TMBIM4: variants seen among roughly 807,000 people sequenced by gnomAD.
TMBIM4 encodes transmembrane BAX inhibitor motif containing 4.
In TMBIM4, 28 loss-of-function variants were observed where a neutral mutation model predicts 27.7. The ratio of observed to expected loss-of-function variants is 1.01; its 90% CI spans 0.75 to 1.38. The LOEUF (loss-of-function observed/expected upper bound fraction) is 1.38, where lower values mean the gene tolerates loss of function less well. Ranked by LOEUF, TMBIM4 falls within the 40% of genes most tolerant of loss-of-function variation. TMBIM4 has a pLI of 0.00. For synonymous variants in TMBIM4, 115 were observed against 113.1 expected, an observed-to-expected ratio of 1.02 and a Z score of -0.11; for missense variants, 265 against 277.5, an observed-to-expected ratio of 0.95 and a Z score of 0.32.
chr12:66,138,926 C>T lies in TMBIM4; in HGVS notation c.465-157G>A. The T allele has an allele frequency of 3.7e-6, 4 of 1,069,152 alleles. No homozygotes were observed. The Admixed American group carries it at 1.7e-4, about 45-fold the overall frequency. 66.2% of individuals were successfully genotyped at this position (1,069,152 alleles called of 1,614,324 possible). A position where few individuals can be genotyped will look rare whatever the true frequency, so the allele number is the denominator to read the frequency against. ...GTAAACATACAATGAATATAATGCC[C>T]ATCTTGGATCTTTTTTTTAAAGAAA... On this transcript the variant is annotated intron_variant, in intron 5 of 6. Coordinates refer to ENST00000358230, the MANE Select transcript of TMBIM4 (RefSeq NM_016056.4).
chr12:66,156,711 C>A (rs11176063), intron 1 of TMBIM4, among the ~76,000 whole-genome samples: 47,929 of 152,098 alleles, frequency 0.32, 7,841 homozygotes, highest in South Asian at 0.41. Context: ...AATCTCATCT[C>A]AGCACTCTCT....
intron 3 of TMBIM4, among the ~76,000 whole-genome samples, chr12:66,148,889 T>G (rs570866485): frequency 6.6e-6 from 1 of 152,178 alleles, no homozygotes; most frequent in East Asian, 1.9e-4. Flanking sequence ...TTGTCTTATA[T>G]CCTTACTCTA....
At chr12:66,164,764 T>G (rs1339274010) in intron 1 of TMBIM4, among the ~76,000 whole-genome samples, 2 of 152,078 alleles carry the variant, frequency 1.3e-5, no homozygotes, top group African/African-American at 2.4e-5. Flanking sequence ...GAAAAAGAAA[T>G]AAAAGGCATC....
intron 1 of TMBIM4, among the ~76,000 whole-genome samples, chr12:66,159,327 G>C (rs891853022): frequency 5.3e-5 from 8 of 152,200 alleles, no homozygotes; most frequent in African/African-American, 1.9e-4. Flanking sequence ...CACTGAAGCA[G>C]CCCTATGGAG....
intron 1 of TMBIM4, among the ~76,000 whole-genome samples, chr12:66,162,622 T>C (rs978550551): frequency 2.0e-5 from 3 of 152,214 alleles, no homozygotes; most frequent in African/African-American, 7.2e-5. Context: ...TGTTTGCCAG[T>C]TCCCAAACGC....
intron 2 of TMBIM4, 36 bp downstream of exon 2, chr12:66,153,304 G>T: frequency 8.2e-7 from 1 of 1,220,588 alleles, no homozygotes; most frequent in Non-Finnish European, 1.2e-6. Context: ...CATATGCAAT[G>T]TCTGAAAATT....
intron 5 of TMBIM4, chr12:66,139,684 A>T (rs2051635320): frequency 2.2e-6 from 1 of 456,044 alleles, no homozygotes; most frequent in Non-Finnish European, 4.4e-6. Flanking sequence ...CTATCCACCA[A>T]AAGTGAGCAC....
At chr12:66,139,674 C>T in intron 5 of TMBIM4, 1 of 456,064 alleles carries the variant, frequency 2.2e-6, no homozygotes, top group East Asian at 6.9e-5. Flanking sequence ...AAGAAGAGAA[C>T]TATCCACCAA....
At chr12:66,163,231 TC>T (rs2052071420) in intron 1 of TMBIM4, among the ~76,000 whole-genome samples, 1 of 152,170 alleles carries the variant, frequency 6.6e-6, no homozygotes, top group Non-Finnish European at 1.5e-5. Flanking sequence ...GGACTCTTTC[TC>T]CTTGGGGTAT....
At chr12:66,155,335 TGA>T (rs71697123) in intron 1 of TMBIM4, among the ~76,000 whole-genome samples, 7,684 of 131,064 alleles carry the variant, frequency 0.059, 506 homozygotes, top group African/African-American at 0.16. Context: ...TGCACACGTG[TGA>T]GAGAGAGAGA....
intron 1 of TMBIM4, among the ~76,000 whole-genome samples, chr12:66,160,619 G>GT (rs1480212609): frequency 2.0e-5 from 3 of 151,988 alleles, no homozygotes; most frequent in South Asian, 4.1e-4. Context: ...AAGTGCTCAA[G>GT]TAAGAGACTA....
intron 1 of TMBIM4, among the ~76,000 whole-genome samples, chr12:66,159,485 TGGA>T (rs1306932708): frequency 6.6e-6 from 1 of 152,160 alleles, no homozygotes; most frequent in Non-Finnish European, 1.5e-5. Context: ...GCATCTTGAC[TGGA>T]GCCTCATGAG....
chr12:66,156,310 G>GTTC (rs1197528629), intron 1 of TMBIM4, among the ~76,000 whole-genome samples: 4 of 152,126 alleles, frequency 2.6e-5, no homozygotes, highest in Non-Finnish European at 5.9e-5. Flanking sequence ...TTCTCCCAGT[G>GTTC]TTCTCATCGA....
At chr12:66,157,274 G>A (rs896940192) in intron 1 of TMBIM4, among the ~76,000 whole-genome samples, 3 of 152,058 alleles carry the variant, frequency 2.0e-5, no homozygotes, top group Non-Finnish European at 1.5e-5. Context: ...ACACATGTGG[G>A]AGGAAAGTGA....
Position 66,145,058 on chromosome 12 carries a change from A to G in TMBIM4, c.464+783T>C, listed in dbSNP as rs142394477. Among the ~76,000 whole-genome samples the G allele has an allele frequency of 1.2e-3, 187 of 152,284 alleles. No homozygotes were observed. In the Middle Eastern group the frequency reaches 0.02, roughly 17 times the overall value. On this transcript the variant is annotated intron_variant, in intron 5 of 6. Coordinates refer to ENST00000358230, the MANE Select transcript of TMBIM4 (RefSeq NM_016056.4). The stretch of plus-strand genomic sequence containing the variant: ...ACATCCTTCCAAAGAAGGAAAAGAA[A>G]ATAGAAAATGTTACCTCTCCCTAAA...
chr12:66,138,220 G>A (rs2136840894), intron 6 of TMBIM4, 54 bp from the exon 7 acceptor site: 1 of 1,555,584 alleles, frequency 6.4e-7, no homozygotes, highest in South Asian at 1.2e-5. Flanking sequence ...GTATTAACAG[G>A]ACTTAACTTA....
intron 2 of TMBIM4, 122 bp from the exon 3 acceptor site, chr12:66,152,498 T>G (rs766402072): frequency 3.5e-4 from 196 of 557,498 alleles, no homozygotes; most frequent in Non-Finnish European, 4.7e-4. Context: ...AAATCTGGAA[T>G]GATCCACACC....
At chr12:66,157,251 A>T (rs956953029) in intron 1 of TMBIM4, among the ~76,000 whole-genome samples, 1 of 152,034 alleles carries the variant, frequency 6.6e-6, no homozygotes, top group African/African-American at 2.4e-5. Flanking sequence ...AACTAAGGGC[A>T]CCCTATGGAA....
chr12:66,138,812 C>CA lies in TMBIM4; in HGVS notation c.465-44dup, dbSNP rs556653252. 4.8e-3 allele frequency: 6,909 copies of CA among 1,444,470 alleles called. 148 individuals carry two copies. In the Admixed American group the frequency reaches 0.071, roughly 15 times the overall value. The allele number at this position is 1,444,470 out of a possible 1,614,324, so 89.5% of individuals were successfully genotyped here. ...TAGTAATTTGCAATATTGTTCCTTA[C>CA]AAAAAAACTTTGTAAACCCATTCAA... On this transcript the variant is annotated intron_variant, in intron 5 of 6. Transcript: ENST00000358230.
Sources: gnomAD v4.1 joint callset for allele counts (sites outside exome capture counted in the v4.1 genomes callset) on GRCh38, gnomAD v4.1.1 for gene constraint, MANE v1.5 for transcripts, NCBI Gene and HGNC (gene_info 2026-07-23, HGNC 2026-07-21) for gene names.